SPINT2: variants seen among roughly 807,000 people sequenced by gnomAD.
The protein encoded by SPINT2 is kunitz-type protease inhibitor 2.
In SPINT2, 18 loss-of-function variants were observed where a neutral mutation model predicts 30.1. That is an observed-to-expected ratio of 0.60 (90% CI 0.41 to 0.89). SPINT2 has a LOEUF of 0.89. SPINT2 is among the 40% of genes least tolerant of loss of function. The pLI, the probability that SPINT2 is intolerant of heterozygous loss-of-function variation, is 0.00. For missense variants in SPINT2, 276 were observed against 334.3 expected, an observed-to-expected ratio of 0.83 and a Z score of 1.36; for synonymous variants, 139 against 137.9, an observed-to-expected ratio of 1.01 and a Z score of -0.05.
chr19:38,290,767 G>A lies in SPINT2; in HGVS notation c.592+192G>A. The A allele has an allele frequency of 1.2e-6, 1 of 807,234 alleles. No homozygotes were observed. The highest frequency in any genetic ancestry group is 1.6e-5 in the South Asian group (1 of 61,684). 50.0% of individuals were successfully genotyped at this position (807,234 alleles called of 1,614,324 possible). ...TTCAGTGTACACAGTTGGGGCTGGA[G>A]TGAGTCAGTCACAAGGCAGGCCCTG... On this transcript the variant is annotated intron_variant, in intron 6 of 6. Transcript: ENST00000301244. This position sits in a 1 kb window ranked among gnomAD's most constrained non-coding sequence, Gnocchi z 4.3.
intron 1 of SPINT2, among the ~76,000 whole-genome samples, chr19:38,280,854 C>T (rs1046518863): frequency 1.3e-5 from 2 of 152,170 alleles, no homozygotes; most frequent in African/African-American, 4.8e-5. Context: ...ATGATTCACC[C>T]ATTTAAGGTG....
rs1285819220 is a variant in SPINT2 at position 38,292,132 on chromosome 19, C to G, written c.*126C>G. 6 of 1,346,792 alleles carry G rather than the reference C, an allele frequency of 4.5e-6. No homozygotes were observed. Among genetic ancestry groups the G allele is most frequent in the Non-Finnish European group, 6.1e-6 (6 of 979,036 alleles). The allele number at this position is 1,346,792 out of a possible 1,614,324, so 83.4% of individuals were successfully genotyped here. Reference sequence around the variant, plus strand: ...AGGTCTGTTTCTCTGGGAGGTAGGACGGCTGCTTCCTGGTCTGGCAGGGAT... The same window carrying G: ...AGGTCTGTTTCTCTGGGAGGTAGGAGGGCTGCTTCCTGGTCTGGCAGGGAT... On this transcript the variant is annotated 3_prime_UTR_variant, in exon 7 of 7. Coordinates refer to ENST00000301244, the MANE Select transcript of SPINT2 (RefSeq NM_021102.4).
intron 4 of SPINT2, 54 bp downstream of exon 4, chr19:38,289,245 T>G: frequency 1.3e-6 from 2 of 1,504,482 alleles, no homozygotes; most frequent in Non-Finnish European, 1.8e-6. Flanking sequence ...TCCCAGCGCT[T>G]TGGGAGGCTG....
chr19:38,279,644 ACTTTTT>A (rs940274453), intron 1 of SPINT2, among the ~76,000 whole-genome samples: 16 of 151,982 alleles, frequency 1.1e-4, no homozygotes, highest in South Asian at 4.1e-4. Context: ...TAATAAAGAG[ACTTTTT>A]CTTTTTCTTT....
intron 1 of SPINT2, among the ~76,000 whole-genome samples, chr19:38,279,148 A>G (rs1054381730): frequency 6.6e-6 from 1 of 151,966 alleles, no homozygotes; most frequent in African/African-American, 2.4e-5. Context: ...ACTTCAGCCA[A>G]TTAATCTGCT....
chr19:38,277,262 G>A (rs1374617373), intron 1 of SPINT2, among the ~76,000 whole-genome samples: 2 of 151,584 alleles, frequency 1.3e-5, no homozygotes, highest in Non-Finnish European at 2.9e-5. Flanking sequence ...TTGTTTTTTT[G>A]TTTTTGAGAT....
At position 38,283,790 on chromosome 19, in the gene SPINT2, T is replaced by C. The variant is rs562447203; in HGVS notation, c.270T>C (p.Thr90=). 1.2e-6 allele frequency: 2 copies of C among 1,612,388 alleles called. No individual in the cohort carries two copies. Among genetic ancestry groups the C allele is most frequent in the South Asian group, 2.2e-5 (2 of 91,018 alleles). The stretch of plus-strand genomic sequence containing the variant: ...AGGAGTGCCTCAAGAAATGTGCCAC[T>C]GTCACAGGTGAGATGGCAGTAGTTG... The part of the protein sequence containing the change: ...TKEECLKKCA[T]VTENATGDLA... The change falls in exon 2 of 7, where the codon ACT becomes ACC. Residue 90 remains threonine, a synonymous_variant. Coordinates refer to ENST00000301244, the MANE Select transcript of SPINT2 (RefSeq NM_021102.4).
At chr19:38,286,093 G>T (rs980743663) in intron 2 of SPINT2, among the ~76,000 whole-genome samples, 2 of 152,172 alleles carry the variant, frequency 1.3e-5, no homozygotes, top group Non-Finnish European at 2.9e-5. Flanking sequence ...TGCAATGTGT[G>T]TCTCTCGAGG....
At chr19:38,274,076 C>G (rs561859996) in intron 1 of SPINT2, among the ~76,000 whole-genome samples, 2 of 152,010 alleles carry the variant, frequency 1.3e-5, no homozygotes, top group African/African-American at 4.8e-5. Flanking sequence ...ACAAAAAATG[C>G]AAAAATTAAC....
At position 38,290,511 on chromosome 19, in the gene SPINT2, A is replaced by T; in HGVS notation, c.554-26A>T. Reference sequence around the variant, plus strand: ...TCTGTGGAATGGGGGCTGTGAGCTGACCTCAGGCTGTGTGTTCTCTTCCAG... The same window carrying T: ...TCTGTGGAATGGGGGCTGTGAGCTGTCCTCAGGCTGTGTGTTCTCTTCCAG... On this transcript the variant is annotated intron_variant, in intron 5 of 6. Transcript: ENST00000301244. The surrounding 1 kb of genome is among the most constrained non-coding windows in gnomAD (Gnocchi z 4.3). 6.2e-7 allele frequency: 1 copy of T among 1,613,862 alleles called. No individual in the cohort carries two copies. Among genetic ancestry groups the T allele is most frequent in the Non-Finnish European group, 8.5e-7 (1 of 1,179,904 alleles).
At position 38,290,155 on chromosome 19, in the gene SPINT2, G is replaced by A. The variant is rs150103321; in HGVS notation, c.428G>A (p.Arg143His). The A allele has an allele frequency of 6.8e-6, 11 of 1,612,500 alleles. No homozygotes were observed. Among genetic ancestry groups the A allele is most frequent in the Admixed American group, 1.7e-5 (1 of 60,008 alleles). The change falls in exon 5 of 7, where the codon CGT becomes CAT. Residue 143 changes from arginine to histidine, a missense_variant. Coordinates refer to ENST00000301244, the MANE Select transcript of SPINT2 (RefSeq NM_021102.4). This position sits in a 1 kb window ranked among gnomAD's most constrained non-coding sequence, Gnocchi z 4.3. ...CTANAVTGPC[R>H]ASFPRWYFDV... ...GCCAACGCAGTCACTGGGCCTTGCC[G>A]TGCATCCTTCCCACGCTGGTACTTT...
chr19:38,267,792 A>G (rs186455323), intron 1 of SPINT2, among the ~76,000 whole-genome samples: 2 of 152,178 alleles, frequency 1.3e-5, no homozygotes, highest in East Asian at 3.9e-4. Context: ...GTTGGGAAGG[A>G]AGAAGTAGTT....
chr19:38,267,473 T>C (rs1029570046), intron 1 of SPINT2, among the ~76,000 whole-genome samples: 1 of 151,756 alleles, frequency 6.6e-6, no homozygotes, highest in Non-Finnish European at 1.5e-5. Flanking sequence ...TATGAAAACA[T>C]GAGGGGGCGG....
intron 4 of SPINT2, 169 bp from the exon 5 acceptor site, chr19:38,289,950 C>A: frequency 1.4e-6 from 1 of 734,370 alleles, no homozygotes; most frequent in Non-Finnish European, 2.3e-6. Flanking sequence ...ACCCAAGGAG[C>A]AGCGCGTCAG....
chr19:38,290,740 C>T lies in SPINT2; in HGVS notation c.592+165C>T, dbSNP rs772009867. On this transcript the variant is annotated intron_variant, in intron 6 of 6. Coordinates refer to ENST00000301244, the MANE Select transcript of SPINT2 (RefSeq NM_021102.4). This position sits in a 1 kb window ranked among gnomAD's most constrained non-coding sequence, Gnocchi z 4.3. ...ATGGCGAGGTGGTGGTTTGTCCCAC[C>T]GTTCAGTGTACACAGTTGGGGCTGG... 8 of 999,194 alleles carry T rather than the reference C, an allele frequency of 8.0e-6. No homozygotes were observed. The highest frequency in any genetic ancestry group is 2.9e-5 in the South Asian group (2 of 69,300). 61.9% of individuals were successfully genotyped at this position (999,194 alleles called of 1,614,324 possible). A position where few individuals can be genotyped will look rare whatever the true frequency, so the allele number is the denominator to read the frequency against.
chr19:38,280,772 C>T (rs1212840538), intron 1 of SPINT2, among the ~76,000 whole-genome samples: 1 of 152,172 alleles, frequency 6.6e-6, no homozygotes. Flanking sequence ...TGGTTCCTGC[C>T]TGGGCGCCGG....
At chr19:38,281,636 G>C (rs1968582424) in intron 1 of SPINT2, among the ~76,000 whole-genome samples, 1 of 152,006 alleles carries the variant, frequency 6.6e-6, no homozygotes, top group Non-Finnish European at 1.5e-5. Context: ...TTGAACCTGG[G>C]AGGTGGAGGT....
chr19:38,290,871 C>T lies in SPINT2; in HGVS notation c.592+296C>T. 1 of 515,216 alleles carries T rather than the reference C, an allele frequency of 1.9e-6. No homozygotes were observed. The highest frequency in any genetic ancestry group is 3.5e-6 in the Non-Finnish European group (1 of 281,738). 31.9% of individuals were successfully genotyped at this position (515,216 alleles called of 1,614,324 possible). On this transcript the variant is annotated intron_variant, in intron 6 of 6. Coordinates refer to ENST00000301244, the MANE Select transcript of SPINT2 (RefSeq NM_021102.4). The surrounding 1 kb of genome is among the most constrained non-coding windows in gnomAD (Gnocchi z 4.3). ...CTGCTGCACACGGGCCTGAGGCTGG[C>T]CTGAGGTGTGGAGGGAGCGCTGCTA...
chr19:38,289,201 C>T lies in SPINT2; in HGVS notation c.391+10C>T, dbSNP rs765983944. The T allele has an allele frequency of 1.8e-5, 29 of 1,613,566 alleles. No homozygotes were observed. The highest frequency in any genetic ancestry group is 2.4e-5 in the Non-Finnish European group (28 of 1,179,680). On this transcript the variant is annotated intron_variant, in intron 4 of 6. Transcript: ENST00000301244. ...ATGTTCAACTATGAAGGTAAAACTC[C>T]AAAGAGGCCAGGTGCGGTGGCTCAC...
Sources: gnomAD v4.1 joint callset for allele counts (sites outside exome capture counted in the v4.1 genomes callset) on GRCh38, gnomAD v4.1.1 for gene constraint, Gnocchi (gnomAD v3.1) non-coding constraint, MANE v1.5 for transcripts, NCBI Gene and HGNC (gene_info 2026-07-23, HGNC 2026-07-21) for gene names.